Variants in GLI2 observed in about 807,000 individuals in gnomAD.
GLI2 encodes transcription activator GLI2.
A neutral mutation model predicts 78.9 loss-of-function variants in GLI2; 22 were observed. The observed-to-expected ratio is 0.28, with a 90% CI of 0.20 to 0.40. The LOEUF (loss-of-function observed/expected upper bound fraction) is 0.40, where lower values mean the gene tolerates loss of function less well. GLI2 is among the 10% of genes least tolerant of loss of function. The pLI is 1.00. For missense variants in GLI2, 2,097 were observed against 2,213.2 expected (o/e 0.95, Z 1.05); for synonymous variants, 974 against 963.7 (o/e 1.01, Z -0.20).
At chr2:120,871,039 G>A (rs2104675134) in intron 2 of GLI2, among the ~76,000 whole-genome samples, 1 of 152,354 alleles carries the variant, frequency 6.6e-6, no homozygotes, top group East Asian at 1.9e-4. Context: ...TGAATAAGGA[G>A]ATTGGGAAGA....
At chr2:120,851,731 C>T (rs186725767) in intron 2 of GLI2, among the ~76,000 whole-genome samples, 49 of 152,312 alleles carry the variant, frequency 3.2e-4, no homozygotes, top group African/African-American at 1.2e-3. Flanking sequence ...AGTGCAGTCC[C>T]CACCTCCCTG....
At chr2:120,781,892 AAAG>A (rs1444141844) in intron 1 of GLI2, among the ~76,000 whole-genome samples, 1 of 152,150 alleles carries the variant, frequency 6.6e-6, no homozygotes, top group East Asian at 1.9e-4. Flanking sequence ...AAAAAAAAAA[AAAG>A]AACATTACCA....
chr2:120,738,475 C>A (rs1682435204), intron 1 of GLI2, among the ~76,000 whole-genome samples: 1 of 152,072 alleles, frequency 6.6e-6, no homozygotes, highest in South Asian at 2.1e-4. Flanking sequence ...TCCTCTGCTT[C>A]GAGAAATATG....
intron 5 of GLI2, among the ~76,000 whole-genome samples, chr2:120,957,285 A>ACACCATC (rs1681320399): frequency 6.6e-6 from 1 of 152,100 alleles, no homozygotes; most frequent in Admixed American, 6.5e-5. Context: ...AGAATTAAGC[A>ACACCATC]CACCATCCAG....
At chr2:120,934,821 G>A (rs1490969477) in intron 3 of GLI2, among the ~76,000 whole-genome samples, 2 of 152,084 alleles carry the variant, frequency 1.3e-5, no homozygotes, top group South Asian at 2.1e-4. Context: ...CCACTGGGCC[G>A]AACTCATGAA....
chr2:120,765,564 C>T (rs536586123), intron 1 of GLI2, among the ~76,000 whole-genome samples: 1 of 152,302 alleles, frequency 6.6e-6, no homozygotes, highest in Non-Finnish European at 1.5e-5. Flanking sequence ...GTACCCAGGC[C>T]GGGGCTGGAA....
intron 2 of GLI2, among the ~76,000 whole-genome samples, chr2:120,827,814 G>T (rs369880338): frequency 6.6e-6 from 1 of 152,134 alleles, no homozygotes; most frequent in Non-Finnish European, 1.5e-5. Flanking sequence ...ACTTATACGC[G>T]GTCCCTAGAG....
intron 3 of GLI2, among the ~76,000 whole-genome samples, chr2:120,935,396 C>T (rs573432255): frequency 1.3e-5 from 2 of 152,360 alleles, no homozygotes; most frequent in East Asian, 1.9e-4. Flanking sequence ...CCTTCCACGG[C>T]TGTCTGAGGG....
At chr2:120,896,373 G>A (rs1308427557) in intron 2 of GLI2, among the ~76,000 whole-genome samples, 1 of 152,146 alleles carries the variant, frequency 6.6e-6, no homozygotes, top group Non-Finnish European at 1.5e-5. Flanking sequence ...AGCCCAGAGG[G>A]GCCCTGTCTT....
chr2:120,793,788 A>G (rs1403323653), intron 1 of GLI2, among the ~76,000 whole-genome samples: 1 of 152,140 alleles, frequency 6.6e-6, no homozygotes, highest in Non-Finnish European at 1.5e-5. Flanking sequence ...CTCCTCCCTC[A>G]CTACATTCAC....
chr2:120,953,751 C>T (rs1038167435), intron 4 of GLI2, among the ~76,000 whole-genome samples: 1 of 152,034 alleles, frequency 6.6e-6, no homozygotes, highest in African/African-American at 2.4e-5. Context: ...TTTTCGGAGG[C>T]CAGGTGGGAG....
chr2:120,946,269 T>C (rs1277581552), intron 3 of GLI2, among the ~76,000 whole-genome samples: 1 of 151,922 alleles, frequency 6.6e-6, no homozygotes, highest in Non-Finnish European at 1.5e-5. Flanking sequence ...CGTGAAGAAA[T>C]GTAAGAAGGA....
intron 2 of GLI2, among the ~76,000 whole-genome samples, chr2:120,804,255 T>G (rs945241374): frequency 6.6e-6 from 1 of 152,232 alleles, no homozygotes. Flanking sequence ...CATTGGTACG[T>G]ACCTCCAAGT....
At chr2:120,912,532 C>A (rs910074127) in intron 2 of GLI2, among the ~76,000 whole-genome samples, 1 of 152,074 alleles carries the variant, frequency 6.6e-6, no homozygotes, top group African/African-American at 2.4e-5. Flanking sequence ...TTTCCATGCG[C>A]CACAGTGGTC....
chr2:120,964,968 G>A (rs1417911787), intron 5 of GLI2, among the ~76,000 whole-genome samples: 1 of 152,248 alleles, frequency 6.6e-6, no homozygotes, highest in Non-Finnish European at 1.5e-5. Context: ...CTCAAGCATA[G>A]TTGCTTTGCT....
At chr2:120,872,033 C>T (rs562766978) in intron 2 of GLI2, among the ~76,000 whole-genome samples, 2 of 152,300 alleles carry the variant, frequency 1.3e-5, no homozygotes, top group East Asian at 3.9e-4. Flanking sequence ...ACAGGAGCCA[C>T]CTGTGCAGGC....
At chr2:120,896,910 G>C (rs1324031805) in intron 2 of GLI2, among the ~76,000 whole-genome samples, 2 of 151,778 alleles carry the variant, frequency 1.3e-5, no homozygotes, top group Admixed American at 1.3e-4. Flanking sequence ...TGAACAAAAA[G>C]TGGCGGAGAT....
At chr2:120,821,981 G>C (rs1174484950) in intron 2 of GLI2, among the ~76,000 whole-genome samples, 1 of 152,236 alleles carries the variant, frequency 6.6e-6, no homozygotes, top group East Asian at 1.9e-4. Context: ...ATGCCACCAG[G>C]CTGCTTGTCA....
At chr2:120,818,802 T>G (rs1416957788) in intron 2 of GLI2, among the ~76,000 whole-genome samples, 1 of 152,232 alleles carries the variant, frequency 6.6e-6, no homozygotes, top group Non-Finnish European at 1.5e-5. Flanking sequence ...AAAGGCCTAC[T>G]GGTTAGCATG....
Sources: gnomAD v4.1 joint callset for allele counts (sites outside exome capture counted in the v4.1 genomes callset) on GRCh38, gnomAD v4.1.1 for gene constraint, MANE v1.5 for transcripts, NCBI Gene and HGNC (gene_info 2026-07-23, HGNC 2026-07-21) for gene names.